The following LGI2 variants were observed in gnomAD, a reference collection of about 807,000 sequenced individuals.
LGI2 encodes leucine-rich repeat LGI family member 2.
In LGI2, 30 loss-of-function variants were observed where a neutral mutation model predicts 52.0. The ratio of observed to expected loss-of-function variants is 0.58; its 90% CI spans 0.43 to 0.78. The LOEUF (loss-of-function observed/expected upper bound fraction) is 0.78. LGI2 is among the 30% of genes least tolerant of loss of function. LGI2 has a pLI of 0.00. For synonymous variants in LGI2, 270 were observed against 271.8 expected, an observed-to-expected ratio of 0.99 and a Z score of 0.06; for missense variants, 573 against 692.5, an observed-to-expected ratio of 0.83 and a Z score of 1.94.
downstream of LGI2, among the ~76,000 whole-genome samples, chr4:24,995,548 C>T (rs557454370): frequency 2.6e-5 from 4 of 152,334 alleles, no homozygotes; most frequent in East Asian, 1.9e-4. Flanking sequence ...ATGTCTCCCA[C>T]ATGGGCCCCT....
Position 25,001,151 on chromosome 4 carries a change from C to G in LGI2, c.*2300G>C, listed in dbSNP as rs535780084. 6.6e-6 allele frequency: 1 copy of G among 152,302 alleles called. No homozygotes were observed. Among genetic ancestry groups the G allele is most frequent in the Non-Finnish European group, 1.5e-5 (1 of 68,124 alleles). The allele number at this position is 152,302 out of a possible 1,614,324, so 9.4% of individuals were successfully genotyped here. A position where few individuals can be genotyped will look rare whatever the true frequency, so the allele number is the denominator to read the frequency against. On this transcript the variant is annotated 3_prime_UTR_variant, in exon 8 of 8. Coordinates refer to ENST00000382114, the MANE Select transcript of LGI2 (RefSeq NM_018176.4). ...AATTCCCCATCTGGACTCAACAGCT[C>G]TCCCCATCCTAAGCCCAGCATCCTG...
intron 1 of LGI2, among the ~76,000 whole-genome samples, chr4:25,029,556 C>G (rs1726258462): frequency 6.6e-6 from 1 of 152,236 alleles, no homozygotes; most frequent in Non-Finnish European, 1.5e-5. Flanking sequence ...GTGGTCTTAG[C>G]AGGAAACATG....
At chr4:25,013,586 G>C (rs551229416) in intron 6 of LGI2, among the ~76,000 whole-genome samples, 1 of 152,324 alleles carries the variant, frequency 6.6e-6, no homozygotes, top group African/African-American at 2.4e-5. Context: ...AGCACTTTTA[G>C]TTACATGACC....
At chr4:25,029,114 A>T (rs2109428836) in intron 1 of LGI2, among the ~76,000 whole-genome samples, 1 of 152,306 alleles carries the variant, frequency 6.6e-6, no homozygotes, top group African/African-American at 2.4e-5. Flanking sequence ...GCCAGATAAA[A>T]CGGTCAACCA....
At position 25,028,435 on chromosome 4, in the gene LGI2, G is replaced by A. The variant is rs1027556373; in HGVS notation, c.269+72C>T. 4 of 1,390,018 alleles carry A rather than the reference G, an allele frequency of 2.9e-6. No homozygotes were observed. The Admixed American group carries it at 5.4e-5, about 19-fold the overall frequency. 86.1% of individuals were successfully genotyped at this position (1,390,018 alleles called of 1,614,324 possible). A position where few individuals can be genotyped will look rare whatever the true frequency, so the allele number is the denominator to read the frequency against. ...TACTTTAGGAAGGGCTGATACCAAAGAGGCAGAGACGGCCCTCCAAGGATG... is the reference window on the plus strand; with the variant it reads ...TACTTTAGGAAGGGCTGATACCAAAAAGGCAGAGACGGCCCTCCAAGGATG... On this transcript the variant is annotated intron_variant, in intron 2 of 7. Coordinates refer to ENST00000382114, the MANE Select transcript of LGI2 (RefSeq NM_018176.4).
At chr4:25,006,051 C>T (rs537418075) in intron 7 of LGI2, among the ~76,000 whole-genome samples, 1 of 152,342 alleles carries the variant, frequency 6.6e-6, no homozygotes, top group East Asian at 1.9e-4. Flanking sequence ...CATTATTGAA[C>T]AATTGAAGCA....
At position 25,001,681 on chromosome 4, in the gene LGI2, C is replaced by T. The variant is rs936978121; in HGVS notation, c.*1770G>A. 3 of 149,800 alleles carry T rather than the reference C, an allele frequency of 2.0e-5. No homozygotes were observed. The highest frequency in any genetic ancestry group is 4.4e-5 in the Non-Finnish European group (3 of 67,724). The allele number at this position is 149,800 out of a possible 1,614,324, so 9.3% of individuals were successfully genotyped here. A position where few individuals can be genotyped will look rare whatever the true frequency, so the allele number is the denominator to read the frequency against. On this transcript the variant is annotated 3_prime_UTR_variant, in exon 8 of 8. Transcript: ENST00000382114. ...CAACACTACTATGCGTGGGTGAGTT[C>T]GTTCATTAAAATCCGTGGTTTCTGA...
intron 2 of LGI2, 86 bp downstream of exon 2, chr4:25,028,421 G>A: frequency 8.1e-7 from 1 of 1,233,776 alleles, no homozygotes; most frequent in African/African-American, 1.5e-5. Context: ...ACTTTAGGAA[G>A]GGCTGATACC....
chr4:25,016,406 T>C (rs546331117), intron 6 of LGI2, among the ~76,000 whole-genome samples: 3 of 152,374 alleles, frequency 2.0e-5, no homozygotes, highest in South Asian at 4.1e-4. Context: ...CTTTGGTTTA[T>C]TCAATTTAAT....
chr4:25,008,956 G>T (rs921901906), intron 7 of LGI2, among the ~76,000 whole-genome samples: 16 of 152,198 alleles, frequency 1.1e-4, no homozygotes, highest in Admixed American at 2.0e-4. Context: ...GCCTCCGTTT[G>T]GTCCAGGCCA....
intron 4 of LGI2, among the ~76,000 whole-genome samples, chr4:25,022,286 A>C (rs550270324): frequency 6.6e-5 from 10 of 152,332 alleles, no homozygotes; most frequent in African/African-American, 2.4e-4. Context: ...TGGACTTTGA[A>C]AGAAAAGGCA....
At chr4:25,019,420 C>CTT (rs60479823) in intron 4 of LGI2, among the ~76,000 whole-genome samples, 182 bp from the exon 5 acceptor site, 1 of 150,734 alleles carries the variant, frequency 6.6e-6, no homozygotes, top group Non-Finnish European at 1.5e-5. Flanking sequence ...CATTTTCTTT[C>CTT]TTTTTTTTTT....
At position 25,003,851 on chromosome 4, in the gene LGI2, T is replaced by C; in HGVS notation, c.1238A>G (p.Asp413Gly). 3.7e-6 allele frequency: 6 copies of C among 1,614,162 alleles called. No homozygotes were observed. The highest frequency in any genetic ancestry group is 5.1e-6 in the Non-Finnish European group (6 of 1,180,022). Residue 413 changes from aspartate to glycine, a missense_variant, in exon 8 of 8, where the codon GAC becomes GGC. Physicochemically the swap from Asp to Gly is moderately conservative, Grantham distance 94. Transcript: ENST00000382114. Reference sequence around the variant, plus strand: ...CAGTACGTCCTCCATGTTGGGGATGTCACCATGGGGGACAAACTTCTTAGA... The same window carrying C: ...CAGTACGTCCTCCATGTTGGGGATGCCACCATGGGGGACAAACTTCTTAGA... ...KSSKKFVPHG[D>G]IPNMEDVLAV...
chr4:25,009,241 C>T (rs935172855), intron 7 of LGI2, among the ~76,000 whole-genome samples: 20 of 152,222 alleles, frequency 1.3e-4, no homozygotes, highest in Admixed American at 2.6e-4. Context: ...TCCCCGCTGG[C>T]TCATTTGGCT....
intron 5 of LGI2, 80 bp from the exon 6 acceptor site, chr4:25,018,238 C>T: frequency 9.9e-7 from 1 of 1,010,318 alleles, no homozygotes. Flanking sequence ...CACGAAACTC[C>T]AGAATTATTA....
rs2232025 is a variant in LGI2 at position 25,003,832 on chromosome 4, G to T, written c.1257C>A (p.Asp419Glu). 6.2e-7 allele frequency: 1 copy of T among 1,614,120 alleles called. No individual in the cohort carries two copies. Among genetic ancestry groups the T allele is most frequent in the African/African-American group, 1.3e-5 (1 of 75,048 alleles). The change falls in exon 8 of 8, where the codon GAC (aspartate) becomes GAA (glutamate). Residue 419 changes from aspartate (D) to glutamate (E), a missense_variant. By Grantham distance (45) the Asp-to-Glu change is conservative (BLOSUM62 2). Coordinates refer to ENST00000382114, the MANE Select transcript of LGI2 (RefSeq NM_018176.4). ...TTCGGAAGCTCTTCACAGCCAGTAC[G>T]TCCTCCATGTTGGGGATGTCACCAT... ...VPHGDIPNME[D>E]VLAVKSFRMQ...
chr4:25,006,425 T>G (rs1264632375), intron 7 of LGI2, among the ~76,000 whole-genome samples: 3 of 152,218 alleles, frequency 2.0e-5, no homozygotes, highest in Admixed American at 6.5e-5. Context: ...TCCCAAATTC[T>G]AAGGATGATT....
At position 25,003,579 on chromosome 4, in the gene LGI2, C is replaced by A. The variant is rs1188223925; in HGVS notation, c.1510G>T (p.Glu504Ter). ...KEKQLFKKFK[E>*]IYVQAPRSFT... is the part of the protein sequence containing the mutation. Reference sequence around the variant, plus strand: ...GAACGAGGCGCCTGCACGTAAATCTCCTTAAACTTTTTGAATAGCTGCTTC... The same window carrying A: ...GAACGAGGCGCCTGCACGTAAATCTACTTAAACTTTTTGAATAGCTGCTTC... Residue 504 changes from glutamate (E) to a stop codon, truncating the protein, a stop_gained, in exon 8 of 8, where the codon GAG becomes TAG. Transcript: ENST00000382114. LOFTEE classifies it high-confidence loss of function. 6.2e-7 allele frequency: 1 copy of A among 1,614,182 alleles called. No individual in the cohort carries two copies. The highest frequency in any genetic ancestry group is 1.7e-5 in the Admixed American group (1 of 60,026).
intron 1 of LGI2, 113 bp downstream of exon 1, chr4:25,030,384 G>A (rs1306333973): frequency 7.0e-6 from 8 of 1,136,926 alleles, no homozygotes; most frequent in Admixed American, 2.3e-5. Flanking sequence ...GGCAAAGAAG[G>A]GGCCTGGGGA....
Sources: allele counts gnomAD v4.1 joint callset (sites outside exome capture counted in the v4.1 genomes callset), GRCh38; gene constraint gnomAD v4.1.1; transcripts MANE v1.5; gene names NCBI Gene and HGNC (gene_info 2026-07-23, HGNC 2026-07-21).